Variants in WDR26 observed in about 807,000 individuals in gnomAD.
The protein encoded by WDR26 is WD repeat-containing protein 26.
A neutral mutation model predicts 84.1 loss-of-function variants in WDR26; 5 were observed. The ratio of observed to expected loss-of-function variants is 0.06; its 90% CI spans 0.03 to 0.13. The LOEUF is 0.13. WDR26 is among the 10% of genes least tolerant of loss of function. The pLI is 1.00. For synonymous variants in WDR26, 415 were observed against 389.6 expected (o/e 1.07, Z -0.77); for missense variants, 642 against 974.9 (o/e 0.66, Z 4.55).
At chr1:224,424,166 C>T (rs916795869) in intron 4 of WDR26, among the ~76,000 whole-genome samples, 6 of 152,120 alleles carry the variant, frequency 3.9e-5, no homozygotes, top group Admixed American at 1.3e-4. Context: ...TTAGTGTGCA[C>T]CAATACTGGA....
At chr1:224,404,354 C>A in intron 8 of WDR26, 76 bp downstream of exon 8, 2 of 1,495,546 alleles carry the variant, frequency 1.3e-6, no homozygotes, top group South Asian at 1.4e-5. Flanking sequence ...TTATATAAAT[C>A]AATAAAGTTA....
intron 5 of WDR26, 30 bp from the exon 6 acceptor site, chr1:224,418,446 A>T: frequency 6.4e-7 from 1 of 1,560,618 alleles, no homozygotes; most frequent in South Asian, 1.2e-5. Context: ...AAAAAAGAGA[A>T]ATAATAATAA....
rs200756860 is a variant in WDR26, at chr1:224,421,589, C to CA, written c.1065-1975dup. On this transcript the variant is annotated intron_variant, in intron 4 of 13. Coordinates refer to ENST00000414423, the MANE Select transcript of WDR26 (RefSeq NM_001379403.1). ...TGGATAATGGAGAGAGACTCTGTCT[C>CA]AAAAAAAAAGGTAATCGGAACAAGA... 1.9e-3 allele frequency among the ~76,000 whole-genome samples: 288 copies of CA among 150,506 alleles called. 4 individuals carry two copies. In the East Asian group the frequency reaches 0.021, roughly 11 times the overall value.
chr1:224,395,715 T>G (rs192763888), intron 12 of WDR26, among the ~76,000 whole-genome samples: 57 of 152,196 alleles, frequency 3.7e-4, no homozygotes, highest in Non-Finnish European at 5.9e-5. Flanking sequence ...ATTGAATATT[T>G]CTCTATTTGG....
chr1:224,433,613 C>G (rs966469687), intron 1 of WDR26, 71 bp downstream of exon 1: 3 of 979,998 alleles, frequency 3.1e-6, no homozygotes, highest in East Asian at 4.3e-5. Flanking sequence ...CCCCTCCGCC[C>G]CTTCCCCTAC....
rs1037282764 is a variant in WDR26 at position 224,386,139 on chromosome 1, CCT to C, written c.*3694_*3695del. The stretch of plus-strand genomic sequence containing the variant: ...ACTGAAAAATTTCAATTAAGTTCAC[CCT>C]GTTTTTAGAAAGTGTCTAAGTGTAA... On this transcript the variant is annotated 3_prime_UTR_variant, in exon 14 of 14. Transcript: ENST00000414423. 1 of 152,462 alleles carries C rather than the reference CCT, an allele frequency of 6.6e-6. No homozygotes were observed. Among genetic ancestry groups the C allele is most frequent in the Non-Finnish European group, 1.5e-5 (1 of 67,988 alleles). 9.4% of individuals were successfully genotyped at this position (152,462 alleles called of 1,614,324 possible). A position where few individuals can be genotyped will look rare whatever the true frequency, so the allele number is the denominator to read the frequency against.
rs144531645 is a variant in WDR26 at position 224,434,204 on chromosome 1, CGGAGGAGGAGGA to C, written c.190_201del (p.Ser64_Ser67del). ...GGGGGAAGTCCCACCACTACCACCA[CGGAGGAGGAGGA>C]GGAGGAGGAGGACGAGGACGACGAG... On this transcript the variant is annotated inframe_deletion, in exon 1 of 14. Coordinates refer to ENST00000414423, the MANE Select transcript of WDR26 (RefSeq NM_001379403.1). The C allele has an allele frequency of 8.9e-6, 12 of 1,342,508 alleles. No homozygotes were observed. Among genetic ancestry groups the C allele is most frequent in the East Asian group, 7.9e-5 (3 of 37,918 alleles). The allele number at this position is 1,342,508 out of a possible 1,614,324, so 83.2% of individuals were successfully genotyped here.
chr1:224,390,803 A>G (rs1673103731), intron 13 of WDR26, among the ~76,000 whole-genome samples: 3 of 152,212 alleles, frequency 2.0e-5, no homozygotes, highest in Non-Finnish European at 2.9e-5. Context: ...AAAAAAAACA[A>G]AAGTGTAAAA....
At position 224,427,103 on chromosome 1, in the gene WDR26, C is replaced by CAAAAAAAAAAAAAAA. The variant is rs769063024; in HGVS notation, c.928-2450_928-2449insTTTTTTTTTTTTTTT. On this transcript the variant is annotated intron_variant, in intron 3 of 13. Coordinates refer to ENST00000414423, the MANE Select transcript of WDR26 (RefSeq NM_001379403.1). ...GGGCAACGAGAGCAAAACTCTGTCT[C>CAAAAAAAAAAAAAAA]CAAAAAAAAAAAAAAAAAAAAAAAG... 5.4e-4 allele frequency among the ~76,000 whole-genome samples: 49 copies of CAAAAAAAAAAAAAAA among 91,166 alleles called. 10 individuals carry two copies. The highest frequency in any genetic ancestry group is 1.9e-3 in the African/African-American group (44 of 23,150). 59.8% of individuals were successfully genotyped at this position (91,166 alleles called of 152,430 possible).
At chr1:224,407,151 A>AAAAATATATATATATAT in intron 7 of WDR26, among the ~76,000 whole-genome samples, 16 of 11,862 alleles carry the variant, frequency 1.3e-3, no homozygotes, top group East Asian at 2.1e-3. Context: ...AAAAAAAAAA[A>AAAAATATATATATATAT]ATATATATAT....
intron 1 of WDR26, among the ~76,000 whole-genome samples, chr1:224,432,164 A>G (rs1354006883): frequency 6.6e-6 from 1 of 152,266 alleles, no homozygotes; most frequent in Non-Finnish European, 1.5e-5. Flanking sequence ...CACAAGGTTA[A>G]CAGAGATGAC....
intron 4 of WDR26, among the ~76,000 whole-genome samples, chr1:224,420,400 A>G (rs979239909): frequency 3.9e-5 from 6 of 152,236 alleles, no homozygotes; most frequent in Admixed American, 3.9e-4. Flanking sequence ...CATGGAGATT[A>G]GACCTGGCAA....
chr1:224,413,560 C>G (rs1473470802), intron 6 of WDR26, among the ~76,000 whole-genome samples: 1 of 152,128 alleles, frequency 6.6e-6, no homozygotes, highest in Admixed American at 6.5e-5. Context: ...TTAGACACTT[C>G]ACATATAATA....
At chr1:224,402,105 T>G (rs1013856113) in intron 8 of WDR26, 1 of 152,192 alleles carries the variant, frequency 6.6e-6, no homozygotes, top group Non-Finnish European at 1.5e-5. Context: ...ATGGGGATAG[T>G]TTTCCTGTGA....
rs1672974539 is a variant in WDR26 at position 224,385,527 on chromosome 1, A to C, written c.*4308T>G. 6.5e-6 allele frequency: 1 copy of C among 152,672 alleles called. No homozygotes were observed. The highest frequency in any genetic ancestry group is 1.5e-5 in the Non-Finnish European group (1 of 68,036). The allele number at this position is 152,672 out of a possible 1,614,324, so 9.5% of individuals were successfully genotyped here. A position where few individuals can be genotyped will look rare whatever the true frequency, so the allele number is the denominator to read the frequency against. Reference sequence around the variant, plus strand: ...ATCTTTTGAAACATTTAATCAGTCCATAGCAAATAGTTATTACATACCAAA... The same window carrying C: ...ATCTTTTGAAACATTTAATCAGTCCCTAGCAAATAGTTATTACATACCAAA... On this transcript the variant is annotated 3_prime_UTR_variant, in exon 14 of 14. Transcript: ENST00000414423.
intron 12 of WDR26, among the ~76,000 whole-genome samples, chr1:224,394,381 T>C (rs1362566933): frequency 6.6e-6 from 1 of 152,218 alleles, no homozygotes; most frequent in Non-Finnish European, 1.5e-5. Flanking sequence ...AATTGAATAC[T>C]GAAGCAAAAA....
rs1672988870 is a variant in WDR26, at chr1:224,386,189, G to A, written c.*3646C>T. On this transcript the variant is annotated 3_prime_UTR_variant, in exon 14 of 14. Coordinates refer to ENST00000414423, the MANE Select transcript of WDR26 (RefSeq NM_001379403.1). ...TAAATGCAAATTCACCTCTTCTTAA[G>A]TTAGCAGTTTATATTAAATCAGATA... 6.6e-6 allele frequency: 1 copy of A among 152,616 alleles called. No individual in the cohort carries two copies. Among genetic ancestry groups the A allele is most frequent in the African/African-American group, 2.4e-5 (1 of 41,454 alleles). 9.5% of individuals were successfully genotyped at this position (152,616 alleles called of 1,614,324 possible).
chr1:224,400,598 T>G (rs573455317), intron 9 of WDR26, among the ~76,000 whole-genome samples: 2 of 152,160 alleles, frequency 1.3e-5, no homozygotes, highest in African/African-American at 2.4e-5. Flanking sequence ...CAGGCTGGAG[T>G]GCAATGGCGC....
intron 9 of WDR26, 44 bp downstream of exon 9, chr1:224,400,906 C>T (rs1558420530): frequency 1.9e-6 from 3 of 1,599,180 alleles, no homozygotes; most frequent in Non-Finnish European, 2.6e-6. Context: ...AGTACATTTG[C>T]TTTTAAACCA....
Sources: allele counts gnomAD v4.1 joint callset (sites outside exome capture counted in the v4.1 genomes callset), GRCh38; gene constraint gnomAD v4.1.1; transcripts MANE v1.5; gene names NCBI Gene and HGNC (gene_info 2026-07-23, HGNC 2026-07-21).